PER2: variants seen among roughly 807,000 people sequenced by gnomAD.
PER2 encodes period circadian protein homolog 2.
PER2 carries 66 observed loss-of-function variants against 121.0 expected under a neutral mutation model. The ratio of observed to expected loss-of-function variants is 0.55; its 90% CI spans 0.45 to 0.67. PER2 has a LOEUF of 0.67. Ranked by LOEUF, PER2 falls within the 30% of genes least tolerant of loss-of-function variation. PER2 has a pLI of 0.00. For synonymous variants in PER2, 684 were observed against 659.9 expected (o/e 1.04, Z -0.56); for missense variants, 1,521 against 1,635.0 (o/e 0.93, Z 1.20).
intron 1 of PER2, among the ~76,000 whole-genome samples, chr2:238,288,112 C>T (rs1422749658): frequency 1.3e-5 from 2 of 152,134 alleles, no homozygotes; most frequent in African/African-American, 4.8e-5. Flanking sequence ...AGGAAAAGCT[C>T]CTAGATCAGC....
In PER2 at chr2:238,257,041, G is replaced by A. The variant is rs756119336; in HGVS notation, c.1946C>T (p.Thr649Met). The A allele has an allele frequency of 1.9e-5, 30 of 1,613,246 alleles. No individual in the cohort carries two copies. Among genetic ancestry groups the A allele is most frequent in the Admixed American group, 3.3e-5 (2 of 60,004 alleles). ...SRVNSRTGVG[T>M]HLTSLALPGK... ...CGGCAGTGCCAGCGAGGTCAGGTGC[G>A]TACCTACTCCCGTGCGGCTGTTCAC... The change falls in exon 17 of 23, where the codon ACG (threonine) becomes ATG (methionine). Residue 649 changes from threonine to methionine, a missense_variant. By Grantham distance (81) the Thr-to-Met change is moderately conservative (BLOSUM62 -1). Transcript: ENST00000254657.
intron 14 of PER2, among the ~76,000 whole-genome samples, chr2:238,259,592 C>A (rs2106374905): frequency 6.6e-6 from 1 of 152,378 alleles, no homozygotes; most frequent in East Asian, 1.9e-4. Flanking sequence ...AGTGTAAACA[C>A]ACAGCCATAC....
chr2:238,284,171 C>T (rs1460788921), intron 1 of PER2, among the ~76,000 whole-genome samples: 3 of 152,072 alleles, frequency 2.0e-5, no homozygotes. Context: ...CGGCTGGGCG[C>T]GGTGGCTCAC....
chr2:238,273,956 G>A (rs141312530), intron 4 of PER2, among the ~76,000 whole-genome samples: 13 of 152,270 alleles, frequency 8.5e-5, no homozygotes, highest in Non-Finnish European at 1.8e-4. Context: ...GTGAGCCACC[G>A]CGCCCGGCCC....
At position 238,255,766 on chromosome 2, in the gene PER2, C is replaced by T. The variant is rs1695740834; in HGVS notation, c.2211G>A (p.Glu737=). The T allele has an allele frequency of 6.2e-7, 1 of 1,614,216 alleles. No individual in the cohort carries two copies. The highest frequency in any genetic ancestry group is 8.5e-7 in the Non-Finnish European group (1 of 1,180,042). ...TGAACTTCTGCAGGAAGCTCTGCTC[C>T]TCCTTCTGTGTGTGTGCAGCGAGTA... ...KEVLAAHTQK[E]EQSFLQKFKE... The change falls in exon 18 of 23, where the codon GAG becomes GAA. Residue 737 remains glutamate (E), a synonymous_variant. Transcript: ENST00000254657.
upstream of PER2, among the ~76,000 whole-genome samples, chr2:238,291,653 G>A (rs1559341208): frequency 6.6e-6 from 1 of 152,182 alleles, no homozygotes; most frequent in East Asian, 1.9e-4. Flanking sequence ...TAGGGACATT[G>A]GAGATGATAA....
chr2:238,259,236 C>G (rs1695852663), intron 14 of PER2, among the ~76,000 whole-genome samples: 1 of 152,248 alleles, frequency 6.6e-6, no homozygotes, highest in South Asian at 2.1e-4. Context: ...CTAGCGGTGT[C>G]TGGCCAGAGT....
At chr2:238,284,271 G>A (rs573311716) in intron 1 of PER2, among the ~76,000 whole-genome samples, 23 of 152,034 alleles carry the variant, frequency 1.5e-4, no homozygotes, top group African/African-American at 4.6e-4. Flanking sequence ...GGTGAAACCC[G>A]TCTCTACTAA....
rs747720132 is a variant in PER2, at chr2:238,253,621, C to G, written c.2402G>C (p.Arg801Pro). The G allele has an allele frequency of 3.1e-6, 5 of 1,609,648 alleles. No homozygotes were observed. The highest frequency in any genetic ancestry group is 4.2e-6 in the Non-Finnish European group (5 of 1,177,870). Residue 801 changes from arginine to proline, a missense_variant, in exon 19 of 23, where the codon CGG becomes CCG. Arg to Pro is a moderately radical substitution (Grantham distance 103). Coordinates refer to ENST00000254657, the MANE Select transcript of PER2 (RefSeq NM_022817.3). This position sits in a 1 kb window ranked among gnomAD's most constrained non-coding sequence, Gnocchi z 5.6. ...TGKNRKLKSK[R>P]VKPRDSSEST... ...CTCAGATGAGTCTCGAGGTTTGACC[C>G]GCTTGGACTTCAATTTTCTGTTCTT...
chr2:238,265,586 A>AG lies in PER2; in HGVS notation c.971dup (p.Arg325Ter). 6.3e-7 allele frequency: 1 copy of AG among 1,578,818 alleles called. No homozygotes were observed. Among genetic ancestry groups the AG allele is most frequent in the Non-Finnish European group, 8.7e-7 (1 of 1,147,820 alleles). On this transcript the variant is annotated frameshift_variant, in exon 9 of 23. Coordinates refer to ENST00000254657, the MANE Select transcript of PER2 (RefSeq NM_022817.3). LOFTEE classifies it high-confidence loss of function. ...AAATTCTCTTTTCAGGAGGAATTCT[A>AG]GGGGCTGAAAGAACAGAATATTGCA...
chr2:238,260,536 G>A (rs1305115228), intron 13 of PER2, among the ~76,000 whole-genome samples: 2 of 152,218 alleles, frequency 1.3e-5, no homozygotes, highest in Non-Finnish European at 2.9e-5. Context: ...GATTACAGGT[G>A]TGAATCACCG....
In PER2 at chr2:238,258,260, TAC is replaced by T; in HGVS notation, c.1900+14_1900+15del. 2.5e-6 allele frequency: 4 copies of T among 1,614,076 alleles called. No individual in the cohort carries two copies. The highest frequency in any genetic ancestry group is 3.4e-6 in the Non-Finnish European group (4 of 1,179,870). On this transcript the variant is annotated intron_variant, in intron 16 of 22. Transcript: ENST00000254657. ...ACATTATTTCACATGTACATGGCTC[TAC>T]ACAGATTAGATACCTCCAGCGTGTG...
chr2:238,264,199 G>A (rs1696026187), intron 9 of PER2, among the ~76,000 whole-genome samples: 1 of 152,222 alleles, frequency 6.6e-6, no homozygotes, highest in Non-Finnish European at 1.5e-5. Flanking sequence ...GCATGGGAGT[G>A]GGTTAGAGAC....
rs762425951 is a variant in PER2 at position 238,275,911 on chromosome 2, G to T, written c.294-14C>A. 8 of 1,614,070 alleles carry T rather than the reference G, an allele frequency of 5.0e-6. No individual in the cohort carries two copies. Among genetic ancestry groups the T allele is most frequent in the Non-Finnish European group, 6.8e-6 (8 of 1,179,980 alleles). On this transcript the variant is annotated splice_polypyrimidine_tract_variant and intron_variant, in intron 3 of 22. Coordinates refer to ENST00000254657, the MANE Select transcript of PER2 (RefSeq NM_022817.3). Reference sequence around the variant, plus strand: ...GACTGGTCGCTACTGCAGGATTCAAGAAAGAGGCAGCCAAATGTTAGCTTC... The same window carrying T: ...GACTGGTCGCTACTGCAGGATTCAATAAAGAGGCAGCCAAATGTTAGCTTC...
rs1372209005 is a variant in PER2 at position 238,245,044 on chromosome 2, A to G, written c.*1331T>C. On this transcript the variant is annotated 3_prime_UTR_variant, in exon 23 of 23. Transcript: ENST00000254657. ...CCTGGGCAAAAAGAAACTCCATCTA[A>G]AAAAAAAAAAAAAAAAAAAAAAAAA... 1 of 123,872 alleles carries G rather than the reference A, an allele frequency of 8.1e-6. No individual in the cohort carries two copies. The highest frequency in any genetic ancestry group is 1.7e-5 in the Non-Finnish European group (1 of 58,468). The allele number at this position is 123,872 out of a possible 1,614,324, so 7.7% of individuals were successfully genotyped here.
chr2:238,297,213 G>A, the PER2 span, among the ~76,000 whole-genome samples: 1 of 152,172 alleles, frequency 6.6e-6, no homozygotes, highest in African/African-American at 2.4e-5. Context: ...AACCAAAGAA[G>A]GCGAGAGGAC....
intron 1 of PER2, among the ~76,000 whole-genome samples, chr2:238,281,271 G>A (rs1310536932): frequency 6.6e-6 from 1 of 152,086 alleles, no homozygotes; most frequent in Non-Finnish European, 1.5e-5. Context: ...CAAAGTGCTG[G>A]GATTACAGGC....
intron 8 of PER2, among the ~76,000 whole-genome samples, chr2:238,266,576 C>G (rs1231772916): frequency 1.3e-5 from 2 of 152,208 alleles, no homozygotes; most frequent in African/African-American, 4.8e-5. Context: ...AAAATTCCAA[C>G]ATTTTCATTC....
chr2:238,255,609 C>T (rs776344251), intron 18 of PER2, 48 bp downstream of exon 18: 3 of 1,599,504 alleles, frequency 1.9e-6, no homozygotes, highest in Admixed American at 3.3e-5. Context: ...TCAGTACCAA[C>T]AGGAATAAAG....
Sources: allele counts gnomAD v4.1 joint callset (sites outside exome capture counted in the v4.1 genomes callset), GRCh38; gene constraint gnomAD v4.1.1; non-coding constraint Gnocchi (gnomAD v3.1); transcripts MANE v1.5; gene names NCBI Gene and HGNC (gene_info 2026-07-23, HGNC 2026-07-21).